VWC2: variants seen among roughly 807,000 people sequenced by gnomAD.
VWC2 encodes von Willebrand factor C domain containing 2, also known as brorin.
In VWC2, 14 loss-of-function variants were observed where a neutral mutation model predicts 29.8. That is an observed-to-expected ratio of 0.47 (90% CI 0.31 to 0.74). The LOEUF (loss-of-function observed/expected upper bound fraction) is 0.74, where lower values mean the gene tolerates loss of function less well. VWC2 is among the 30% of genes least tolerant of loss of function. The probability of loss-of-function intolerance (pLI) is 0.05; values close to 1 mark genes in which losing one functional copy is unlikely to be tolerated. For missense variants in VWC2, 457 were observed against 459.8 expected (o/e 0.99, Z 0.05); for synonymous variants, 213 against 199.0 (o/e 1.07, Z -0.59).
rs61390655 is a variant in VWC2 at position 49,775,897 on chromosome 7, C to G, written c.462C>G (p.Gly154=). ...EYVYPDYRGK[G]CVDESGFVYA... is the part of the protein sequence containing the mutation. Reference sequence around the variant, plus strand: ...TGTACCCGGACTACCGTGGCAAGGGCTGCGTGGACGAGAGCGGCTTCGTGT... The same window carrying G: ...TGTACCCGGACTACCGTGGCAAGGGGTGCGTGGACGAGAGCGGCTTCGTGT... Residue 154 remains glycine, a synonymous_variant, in exon 2 of 4, where the codon GGC becomes GGG. Transcript: ENST00000340652. 41,954 of 1,558,342 alleles carry G rather than the reference C, an allele frequency of 0.027. 901 individuals are homozygous for G. The highest frequency in any genetic ancestry group is 0.094 in the East Asian group (3,920 of 41,770).
At chr7:49,807,208 G>A (rs983014538) in intron 3 of VWC2, among the ~76,000 whole-genome samples, 10 of 152,294 alleles carry the variant, frequency 6.6e-5, no homozygotes, top group African/African-American at 2.4e-4. Flanking sequence ...ACACAAAGAT[G>A]TGAGTCTGCT....
chr7:49,875,772 T>G (rs532957329), intron 3 of VWC2, among the ~76,000 whole-genome samples: 1 of 152,278 alleles, frequency 6.6e-6, no homozygotes, highest in East Asian at 1.9e-4. Flanking sequence ...AACAATGCCA[T>G]AGTAGTGCAA....
intron 3 of VWC2, among the ~76,000 whole-genome samples, chr7:49,868,185 C>T (rs2128722375): frequency 6.6e-6 from 1 of 152,266 alleles, no homozygotes; most frequent in East Asian, 1.9e-4. Context: ...ATTCATTCAC[C>T]CTACAGTGAC....
chr7:49,845,428 T>C (rs761560916), intron 3 of VWC2, among the ~76,000 whole-genome samples: 4 of 152,250 alleles, frequency 2.6e-5, no homozygotes, highest in Non-Finnish European at 5.9e-5. Context: ...TTGTGATTAT[T>C]ACTATCAATA....
chr7:49,815,241 GT>G, intron 3 of VWC2, among the ~76,000 whole-genome samples: 1 of 152,284 alleles, frequency 6.6e-6, no homozygotes, highest in East Asian at 1.9e-4. Flanking sequence ...TGTGTTTGCT[GT>G]TTTACTTCAA....
chr7:49,801,286 C>A (rs1788730819), intron 2 of VWC2, among the ~76,000 whole-genome samples: 1 of 152,236 alleles, frequency 6.6e-6, no homozygotes, highest in Non-Finnish European at 1.5e-5. Flanking sequence ...CACAACTCAA[C>A]TGGGGTCTCC....
At chr7:49,811,670 T>C (rs887648389) in intron 3 of VWC2, among the ~76,000 whole-genome samples, 7 of 152,202 alleles carry the variant, frequency 4.6e-5, no homozygotes, top group African/African-American at 1.4e-4. Flanking sequence ...AAAGTACAGA[T>C]GTTGGCAAAG....
Position 49,776,065 on chromosome 7 carries a change from G to T in VWC2, c.630G>T (p.Gln210His). The change falls in exon 2 of 4, where the codon CAG becomes CAT. Residue 210 changes from glutamine to histidine, a missense_variant. By Grantham distance (24) the Gln-to-His change is conservative (BLOSUM62 0). Around this residue, in one of 2 missense-constraint regions of VWC2, gnomAD observed 185 missense variants for 257.1 expected, o/e 0.72. Transcript: ENST00000340652. ...IHVDTSQCCP[Q>H]CKERKNYCEF... ...TCGACACGAGCCAGTGCTGCCCGCA[G>T]TGCAAGGAGAGGAAGAACTACTGCG... 1 of 1,554,996 alleles carries T rather than the reference G, an allele frequency of 6.4e-7. No homozygotes were observed.
intron 3 of VWC2, among the ~76,000 whole-genome samples, chr7:49,867,132 C>G (rs568413517): frequency 6.6e-6 from 1 of 152,140 alleles, no homozygotes; most frequent in Non-Finnish European, 1.5e-5. Flanking sequence ...GGGAGCCTCT[C>G]GAGAGAACAA....
chr7:49,889,432 G>A (rs1012664623), intron 3 of VWC2, among the ~76,000 whole-genome samples: 9 of 152,250 alleles, frequency 5.9e-5, no homozygotes, highest in South Asian at 4.1e-4. Context: ...TGCCTCAAAT[G>A]TGGGGAAGTA....
At chr7:49,868,955 T>G (rs1387023080) in intron 3 of VWC2, among the ~76,000 whole-genome samples, 1 of 152,214 alleles carries the variant, frequency 6.6e-6, no homozygotes, top group Non-Finnish European at 1.5e-5. Flanking sequence ...GGAAAGAAGT[T>G]TTCTTGTGTC....
At chr7:49,811,995 A>G (rs539047250) in intron 3 of VWC2, among the ~76,000 whole-genome samples, 92 of 152,228 alleles carry the variant, frequency 6.0e-4, no homozygotes, top group Non-Finnish European at 1.2e-3. Context: ...GTTTATCAGT[A>G]AAAAGGAATG....
At chr7:49,889,030 C>T (rs1242303206) in intron 3 of VWC2, among the ~76,000 whole-genome samples, 1 of 152,234 alleles carries the variant, frequency 6.6e-6, no homozygotes, top group South Asian at 2.1e-4. Context: ...CTGGACCACA[C>T]TGACAGGCTG....
intron 3 of VWC2, among the ~76,000 whole-genome samples, chr7:49,885,828 GC>G (rs1358162769): frequency 6.6e-6 from 1 of 152,256 alleles, no homozygotes; most frequent in African/African-American, 2.4e-5. Flanking sequence ...GAGCTGAGAA[GC>G]AGCAGCTGGC....
chr7:49,787,716 G>A (rs1788331855), intron 2 of VWC2, among the ~76,000 whole-genome samples: 1 of 152,224 alleles, frequency 6.6e-6, no homozygotes, highest in Non-Finnish European at 1.5e-5. Context: ...CTTTTGACAA[G>A]GCTGCTGCTG....
chr7:49,909,886 T>G (rs2128742010), intron 3 of VWC2, among the ~76,000 whole-genome samples: 1 of 152,210 alleles, frequency 6.6e-6, no homozygotes, highest in Non-Finnish European at 1.5e-5. Flanking sequence ...GGAGGATCTC[T>G]TGAGCCCAGG....
Position 49,912,485 on chromosome 7 carries a change from G to T in VWC2, c.*300G>T, listed in dbSNP as rs1004667202. 21 of 215,114 alleles carry T rather than the reference G, an allele frequency of 9.8e-5. No individual in the cohort carries two copies. The highest frequency in any genetic ancestry group is 4.6e-4 in the African/African-American group (20 of 43,290). The allele number at this position is 215,114 out of a possible 1,614,324, so 13.3% of individuals were successfully genotyped here. Reference sequence around the variant, plus strand: ...GTATTTCTATAATCCCTCCATTAGAGAGCTTATATAAGTGTTTTCTATAGA... The same window carrying T: ...GTATTTCTATAATCCCTCCATTAGATAGCTTATATAAGTGTTTTCTATAGA... On this transcript the variant is annotated 3_prime_UTR_variant, in exon 4 of 4. Transcript: ENST00000340652.
At chr7:49,776,288 C>G (rs1409544652) in intron 2 of VWC2, among the ~76,000 whole-genome samples, 157 bp downstream of exon 2, 2 of 152,204 alleles carry the variant, frequency 1.3e-5, no homozygotes, top group Non-Finnish European at 2.9e-5. Context: ...CTCTCTTTTT[C>G]AGGGCAGAGG....
intron 3 of VWC2, among the ~76,000 whole-genome samples, chr7:49,870,093 A>G (rs1435508926): frequency 6.6e-6 from 1 of 152,186 alleles, no homozygotes; most frequent in Non-Finnish European, 1.5e-5. Flanking sequence ...GAAGGGACAC[A>G]AGGAAACCTG....
Sources: allele counts gnomAD v4.1 joint callset (sites outside exome capture counted in the v4.1 genomes callset), GRCh38; gene constraint gnomAD v4.1.1; regional missense constraint gnomAD v4.1.1; transcripts MANE v1.5; gene names NCBI Gene and HGNC (gene_info 2026-07-23, HGNC 2026-07-21).